ENTHD1: variants seen among roughly 807,000 people sequenced by gnomAD.
The protein encoded by ENTHD1 is ENTH domain containing 1, also known as ENTH domain-containing protein 1.
In ENTHD1, 23 loss-of-function variants were observed where a neutral mutation model predicts 39.1. The observed-to-expected ratio is 0.59, with a 90% CI of 0.42 to 0.83. The LOEUF (loss-of-function observed/expected upper bound fraction) is 0.83. ENTHD1 is among the 40% of genes least tolerant of loss of function. The probability of loss-of-function intolerance (pLI) is 0.00; values close to 1 mark genes in which losing one functional copy is unlikely to be tolerated. For synonymous variants in ENTHD1, 230 were observed against 258.2 expected (o/e 0.89, Z 1.05); for missense variants, 624 against 705.4 (o/e 0.88, Z 1.31).
At chr22:39,865,672 A>G (rs1353133457) in intron 2 of ENTHD1, among the ~76,000 whole-genome samples, 2 of 152,256 alleles carry the variant, frequency 1.3e-5, no homozygotes, top group Non-Finnish European at 2.9e-5. Context: ...TCAATACCCA[A>G]GGATATTACA....
At chr22:39,778,494 T>C (rs2065383062) in intron 5 of ENTHD1, among the ~76,000 whole-genome samples, 1 of 152,204 alleles carries the variant, frequency 6.6e-6, no homozygotes, top group African/African-American at 2.4e-5. Flanking sequence ...TCTGCAACAC[T>C]GAAACAAGCC....
At chr22:39,843,343 A>G (rs1345657208) in intron 3 of ENTHD1, among the ~76,000 whole-genome samples, 1 of 151,850 alleles carries the variant, frequency 6.6e-6, no homozygotes, top group African/African-American at 2.4e-5. Context: ...AATCATTCTC[A>G]GTAAACTATC....
chr22:39,883,021 A>AAAG (rs2066352057), intron 2 of ENTHD1, among the ~76,000 whole-genome samples: 3 of 150,988 alleles, frequency 2.0e-5, no homozygotes, highest in African/African-American at 4.9e-5. Context: ...AAAAAAAAAA[A>AAAG]AAAGAAAGAA....
intron 6 of ENTHD1, among the ~76,000 whole-genome samples, chr22:39,746,022 C>T (rs185038578): frequency 2.6e-5 from 4 of 152,212 alleles, no homozygotes; most frequent in Admixed American, 6.5e-5. Context: ...TTTTCACTCA[C>T]TGAGGTCAAC....
chr22:39,792,767 G>A (rs558684072), intron 5 of ENTHD1, among the ~76,000 whole-genome samples: 6 of 152,142 alleles, frequency 3.9e-5, no homozygotes, highest in East Asian at 3.9e-4. Context: ...TAGTTACATC[G>A]TTTTTCTTTG....
intron 3 of ENTHD1, among the ~76,000 whole-genome samples, chr22:39,846,712 C>G (rs1033721868): frequency 7.2e-5 from 11 of 151,992 alleles, no homozygotes; most frequent in South Asian, 2.1e-4. Context: ...AACAAACAAC[C>G]CCATCAAAAA....
At chr22:39,887,205 T>TA (rs1158371253) in intron 2 of ENTHD1, among the ~76,000 whole-genome samples, 195 bp downstream of exon 2, 1 of 152,136 alleles carries the variant, frequency 6.6e-6, no homozygotes, top group African/African-American at 2.4e-5. Flanking sequence ...ATAAACTTTT[T>TA]AAAAAAACTT....
intron 5 of ENTHD1, among the ~76,000 whole-genome samples, chr22:39,812,026 C>A (rs1035570423): frequency 5.7e-5 from 3 of 52,600 alleles, no homozygotes; most frequent in South Asian, 5.5e-4. Context: ...AAAAAAAAAA[C>A]GACATAGATG....
chr22:39,786,483 G>A (rs905997184), intron 5 of ENTHD1, among the ~76,000 whole-genome samples: 13 of 152,138 alleles, frequency 8.5e-5, no homozygotes, highest in African/African-American at 3.1e-4. Flanking sequence ...CAGACTTGAA[G>A]GAGGGCTGCA....
intron 3 of ENTHD1, among the ~76,000 whole-genome samples, chr22:39,851,153 C>G (rs908668437): frequency 2.0e-5 from 3 of 152,192 alleles, no homozygotes; most frequent in Non-Finnish European, 4.4e-5. Context: ...TACTATGTCA[C>G]TGTCGTCAGG....
At chr22:39,752,898 C>A (rs943930744) in intron 6 of ENTHD1, among the ~76,000 whole-genome samples, 6 of 152,198 alleles carry the variant, frequency 3.9e-5, no homozygotes, top group Non-Finnish European at 8.8e-5. Context: ...AGACACTTTG[C>A]AGAACTGTTT....
intron 1 of ENTHD1, among the ~76,000 whole-genome samples, chr22:39,888,260 CTTTTTT>C (rs61092462): frequency 3.7e-4 from 41 of 110,648 alleles, no homozygotes; most frequent in South Asian, 1.2e-3. Context: ...TTCTTTCTTT[CTTTTTT>C]TTTTTTTTTT....
In ENTHD1 at chr22:39,765,576, G is replaced by A. The variant is rs757967632; in HGVS notation, c.866C>T (p.Ser289Phe). Residue 289 changes from serine to phenylalanine, a missense_variant, in exon 6 of 7, where the codon TCT becomes TTT. Transcript: ENST00000325157. ...AVPTLSENSP[S>F]GQRDVSLDKR... ...GTCCAAACTCACATCTCTCTGCCCAGAAGGACTATTTTCTGAGAGAGTAGG... is the reference window on the plus strand; with the variant it reads ...GTCCAAACTCACATCTCTCTGCCCAAAAGGACTATTTTCTGAGAGAGTAGG... 3.1e-6 allele frequency: 5 copies of A among 1,613,012 alleles called. No individual in the cohort carries two copies. Among genetic ancestry groups the A allele is most frequent in the Admixed American group, 3.3e-5 (2 of 59,894 alleles).
intron 5 of ENTHD1, among the ~76,000 whole-genome samples, chr22:39,798,416 A>G (rs1399273808): frequency 6.6e-6 from 1 of 152,020 alleles, no homozygotes; most frequent in Non-Finnish European, 1.5e-5. Flanking sequence ...CTGAGGATGT[A>G]TCTATGGTGT....
intron 3 of ENTHD1, among the ~76,000 whole-genome samples, chr22:39,852,691 A>C (rs1039147319): frequency 5.3e-5 from 8 of 152,214 alleles, no homozygotes; most frequent in African/African-American, 1.7e-4. Flanking sequence ...CACAAGGACA[A>C]TTGTAACACA....
chr22:39,861,267 C>G (rs994468853), intron 3 of ENTHD1, among the ~76,000 whole-genome samples: 1 of 152,210 alleles, frequency 6.6e-6, no homozygotes, highest in African/African-American at 2.4e-5. Flanking sequence ...GGGCTGGGCA[C>G]AGTGGCTCAC....
At chr22:39,854,697 AAG>A (rs950344969) in intron 3 of ENTHD1, among the ~76,000 whole-genome samples, 1 of 152,136 alleles carries the variant, frequency 6.6e-6, no homozygotes, top group African/African-American at 2.4e-5. Flanking sequence ...GAAAACATCC[AAG>A]AAAAGAAAAA....
intron 5 of ENTHD1, among the ~76,000 whole-genome samples, chr22:39,783,233 A>T (rs2065425497): frequency 1.3e-5 from 2 of 152,176 alleles, no homozygotes; most frequent in South Asian, 4.1e-4. Flanking sequence ...AAAGTGGAAG[A>T]TTTATACAAG....
At chr22:39,850,050 C>T (rs76146864) in intron 3 of ENTHD1, among the ~76,000 whole-genome samples, 2,223 of 151,974 alleles carry the variant, frequency 0.015, 30 homozygotes, top group Non-Finnish European at 0.023. Context: ...GGTAAGAAAA[C>T]GTGTCCTCTA....
Sources: allele counts gnomAD v4.1 joint callset (sites outside exome capture counted in the v4.1 genomes callset), GRCh38; gene constraint gnomAD v4.1.1; transcripts MANE v1.5; gene names NCBI Gene and HGNC (gene_info 2026-07-23, HGNC 2026-07-21).